Variants in SLIT3 observed in about 807,000 individuals in gnomAD.
The protein encoded by SLIT3 is slit homolog 3 protein.
SLIT3 carries 68 observed loss-of-function variants against 184.0 expected under a neutral mutation model. The ratio of observed to expected loss-of-function variants is 0.37; its 90% CI spans 0.30 to 0.45. SLIT3 has a LOEUF of 0.45. Ranked by LOEUF, SLIT3 falls within the 20% of genes least tolerant of loss-of-function variation. The pLI is 1.00. For missense variants in SLIT3, 1,707 were observed against 2,026.0 expected (o/e 0.84, Z 3.02); for synonymous variants, 831 against 828.6 (o/e 1.00, Z -0.05).
intron 4 of SLIT3, among the ~76,000 whole-genome samples, chr5:168,999,771 T>C (rs1474873710): frequency 6.6e-6 from 1 of 152,218 alleles, no homozygotes; most frequent in African/African-American, 2.4e-5. Flanking sequence ...AAGGCAGCCC[T>C]GGCTTCACCA....
At chr5:169,087,074 A>G (rs948007837) in intron 4 of SLIT3, among the ~76,000 whole-genome samples, 2 of 152,214 alleles carry the variant, frequency 1.3e-5, no homozygotes, top group Admixed American at 6.5e-5. Context: ...AACTGAGTAA[A>G]TATTTAGCAG....
intron 3 of SLIT3, among the ~76,000 whole-genome samples, chr5:169,222,122 C>T (rs544324939): frequency 1.3e-5 from 2 of 152,262 alleles, no homozygotes; most frequent in South Asian, 4.1e-4. Flanking sequence ...CCTAGGATGG[C>T]GGCTTTTGAG....
chr5:168,709,064 T>C (rs966681747), intron 25 of SLIT3, among the ~76,000 whole-genome samples: 2 of 151,648 alleles, frequency 1.3e-5, no homozygotes, highest in Non-Finnish European at 2.9e-5. Flanking sequence ...ATGACTTAGC[T>C]GCCTTACACT....
chr5:169,050,924 C>A (rs11134555), intron 4 of SLIT3, among the ~76,000 whole-genome samples: 49,825 of 152,066 alleles, frequency 0.33, 9,984 homozygotes, highest in African/African-American at 0.56. Flanking sequence ...ATTCAGCAGC[C>A]TTCCAGCGCT....
At chr5:168,714,154 G>A (rs1471205556) in intron 23 of SLIT3, among the ~76,000 whole-genome samples, 1 of 152,172 alleles carries the variant, frequency 6.6e-6, no homozygotes, top group Non-Finnish European at 1.5e-5. Context: ...ACCTCCCCGA[G>A]TAAGGAAGAG....
At chr5:168,794,904 A>G (rs1361653893) in intron 10 of SLIT3, among the ~76,000 whole-genome samples, 1 of 152,072 alleles carries the variant, frequency 6.6e-6, no homozygotes, top group African/African-American at 2.4e-5. Flanking sequence ...AGAGACCTTC[A>G]TAGGCACACC....
intron 8 of SLIT3, among the ~76,000 whole-genome samples, chr5:168,815,409 T>C (rs1028313626): frequency 3.3e-5 from 5 of 152,218 alleles, no homozygotes; most frequent in Non-Finnish European, 7.3e-5. Context: ...TCACCTGTAA[T>C]GATGTGTTTT....
At chr5:169,286,074 C>T (rs1469561620) in intron 1 of SLIT3, among the ~76,000 whole-genome samples, 1 of 152,196 alleles carries the variant, frequency 6.6e-6, no homozygotes, top group Admixed American at 6.5e-5. Context: ...CTAAGCTTGA[C>T]ATGTATTACC....
At chr5:168,817,200 T>C in intron 8 of SLIT3, 100 bp downstream of exon 8, 1 of 1,117,416 alleles carries the variant, frequency 8.9e-7, no homozygotes, top group Admixed American at 1.9e-5. Flanking sequence ...CACACCAAGC[T>C]CTGGGCTAGG....
At chr5:168,907,008 A>T (rs1453667612) in intron 4 of SLIT3, among the ~76,000 whole-genome samples, 1 of 152,012 alleles carries the variant, frequency 6.6e-6, no homozygotes, top group African/African-American at 2.4e-5. Context: ...CTACAGGTGC[A>T]CGCCACCAAG....
chr5:169,095,785 C>T (rs1759754528), intron 4 of SLIT3, among the ~76,000 whole-genome samples: 1 of 152,190 alleles, frequency 6.6e-6, no homozygotes, highest in South Asian at 2.1e-4. Flanking sequence ...ACTTGTGGTT[C>T]CTTGACATCT....
At chr5:169,197,159 A>G (rs1763767798) in intron 3 of SLIT3, among the ~76,000 whole-genome samples, 2 of 152,310 alleles carry the variant, frequency 1.3e-5, no homozygotes, top group South Asian at 4.2e-4. Flanking sequence ...CTGGACAAAA[A>G]TAAAAATATA....
At chr5:168,927,678 T>A (rs1187750209) in intron 4 of SLIT3, among the ~76,000 whole-genome samples, 2 of 152,336 alleles carry the variant, frequency 1.3e-5, no homozygotes, top group African/African-American at 4.8e-5. Context: ...TGCCCGTTCA[T>A]GTCTCTGTCT....
At chr5:169,084,287 TTC>T (rs1759191457) in intron 4 of SLIT3, among the ~76,000 whole-genome samples, 2 of 149,996 alleles carry the variant, frequency 1.3e-5, no homozygotes. Context: ...TCTTTTTCTT[TTC>T]TTTTTTTTTT....
At chr5:168,799,857 C>T (rs1452582408) in intron 9 of SLIT3, among the ~76,000 whole-genome samples, 9 of 152,020 alleles carry the variant, frequency 5.9e-5, no homozygotes, top group South Asian at 2.1e-4. Flanking sequence ...AATAATGGTA[C>T]GAAGAGGTCA....
chr5:169,196,427 C>T (rs1763744259), intron 3 of SLIT3, among the ~76,000 whole-genome samples: 1 of 152,186 alleles, frequency 6.6e-6, no homozygotes, highest in South Asian at 2.1e-4. Flanking sequence ...TTAAATGACA[C>T]AGTGTCTACG....
intron 4 of SLIT3, among the ~76,000 whole-genome samples, chr5:169,159,611 T>C (rs141791345): frequency 1.4e-3 from 213 of 151,378 alleles, no homozygotes; most frequent in African/African-American, 5.1e-3. Context: ...CCGTCTCTAC[T>C]AAAAATACAC....
intron 4 of SLIT3, among the ~76,000 whole-genome samples, chr5:169,176,035 T>C (rs559727518): frequency 1.0e-3 from 158 of 152,344 alleles, no homozygotes; most frequent in African/African-American, 3.7e-3. Flanking sequence ...TTTTCTGTTG[T>C]TGTTTGATAA....
intron 4 of SLIT3, among the ~76,000 whole-genome samples, chr5:168,884,845 T>C (rs1760133607): frequency 6.6e-6 from 1 of 151,956 alleles, no homozygotes; most frequent in Non-Finnish European, 1.5e-5. Flanking sequence ...ATCTCCTTGG[T>C]ACGGGGTCCT....
Sources: gnomAD v4.1 joint callset for allele counts (sites outside exome capture counted in the v4.1 genomes callset) on GRCh38, gnomAD v4.1.1 for gene constraint, MANE v1.5 for transcripts, NCBI Gene and HGNC (gene_info 2026-07-23, HGNC 2026-07-21) for gene names.